The following TEAD1 variants were observed in gnomAD, a reference collection of about 807,000 sequenced individuals.
TEAD1 encodes the protein transcriptional enhancer factor TEF-1.
Under a neutral mutation model 54.9 loss-of-function variants are expected in TEAD1, and 9 were observed. The ratio of observed to expected loss-of-function variants is 0.16; its 90% confidence interval spans 0.10 to 0.29. The LOEUF (loss-of-function observed/expected upper bound fraction) is 0.29. TEAD1 is among the 10% of genes least tolerant of loss of function. The pLI is 1.00. For missense variants in TEAD1, 387 were observed against 535.9 expected (o/e 0.72, Z 2.74); for synonymous variants, 200 against 187.8 (o/e 1.07, Z -0.53).
intron 3 of TEAD1, chr11:12,828,227 G>A (rs1946696162): frequency 2.0e-5 from 3 of 152,210 alleles, no homozygotes; most frequent in Admixed American, 2.0e-4. Flanking sequence ...TCACAAGGAC[G>A]CTAATTATTC....
At chr11:12,686,593 T>C (rs771962493) in intron 2 of TEAD1, among the ~76,000 whole-genome samples, 22 of 152,042 alleles carry the variant, frequency 1.4e-4, no homozygotes, top group Non-Finnish European at 2.9e-4. Flanking sequence ...CTGTATGAAA[T>C]TGGGGGATTT....
At chr11:12,735,103 C>T (rs370372054) in intron 2 of TEAD1, among the ~76,000 whole-genome samples, 30 of 152,234 alleles carry the variant, frequency 2.0e-4, no homozygotes, top group South Asian at 1.2e-3. Flanking sequence ...AATCTGGGGC[C>T]GTCCAGAAAA....
At chr11:12,867,547 G>A (rs909900656) in intron 5 of TEAD1, among the ~76,000 whole-genome samples, 1 of 152,106 alleles carries the variant, frequency 6.6e-6, no homozygotes. Context: ...CCCTCCATGA[G>A]CATTTTATCT....
At chr11:12,780,837 C>A (rs1212703368) in intron 3 of TEAD1, among the ~76,000 whole-genome samples, 1 of 152,174 alleles carries the variant, frequency 6.6e-6, no homozygotes, top group African/African-American at 2.4e-5. Context: ...CCCATGACTT[C>A]TTTGACAAGT....
chr11:12,777,460 C>T (rs752966762), intron 3 of TEAD1, among the ~76,000 whole-genome samples: 6 of 152,108 alleles, frequency 3.9e-5, no homozygotes, highest in Non-Finnish European at 7.3e-5. Flanking sequence ...ATGAATGGTT[C>T]TATTACAAAC....
Position 12,849,685 on chromosome 11 carries a change from C to G in TEAD1, c.203-12565C>G, listed in dbSNP as rs143183012. ...ACAACAAGAACTAAATACTGGACGT[C>G]CAGTGAGGGACATGCTGTTTAATGC... On this transcript the variant is annotated intron_variant, in intron 3 of 12. Coordinates refer to ENST00000527636, the MANE Select transcript of TEAD1 (RefSeq NM_021961.6). Among the ~76,000 whole-genome samples the G allele has an allele frequency of 9.5e-3, 1,451 of 152,278 alleles. 12 individuals carry two copies. Among genetic ancestry groups the G allele is most frequent in the East Asian group, 0.016 (84 of 5,176 alleles).
chr11:12,679,222 T>G (rs1943164852), intron 2 of TEAD1, among the ~76,000 whole-genome samples: 1 of 152,286 alleles, frequency 6.6e-6, no homozygotes, highest in Non-Finnish European at 1.5e-5. Flanking sequence ...GTGTGTTACA[T>G]GCACTACACC....
intron 2 of TEAD1, among the ~76,000 whole-genome samples, chr11:12,720,588 A>ATT (rs1250404930): frequency 3.9e-5 from 6 of 152,168 alleles, no homozygotes; most frequent in African/African-American, 1.4e-4. Flanking sequence ...TGAAGGTCTC[A>ATT]TTGTCAGAAA....
At chr11:12,767,678 CTT>C (rs1945232378) in intron 3 of TEAD1, among the ~76,000 whole-genome samples, 1 of 152,122 alleles carries the variant, frequency 6.6e-6, no homozygotes, top group African/African-American at 2.4e-5. Flanking sequence ...GGAGCTGAGA[CTT>C]TATGTGTTTG....
At chr11:12,936,702 C>T (rs1949106554) in intron 12 of TEAD1, among the ~76,000 whole-genome samples, 1 of 152,114 alleles carries the variant, frequency 6.6e-6, no homozygotes, top group East Asian at 1.9e-4. Context: ...TAGGTAGGGA[C>T]TGGAATTATT....
Position 12,937,500 on chromosome 11 carries a change from G to A in TEAD1, c.*278G>A, listed in dbSNP as rs1048877229. ...TCAGATGTGCAGCCCACAATTCCTC[G>A]GGAAAGGTGAACCTGAACAACCCAA... is the stretch of plus-strand genomic sequence containing the variant. On this transcript the variant is annotated 3_prime_UTR_variant, in exon 13 of 13. Coordinates refer to ENST00000527636, the MANE Select transcript of TEAD1 (RefSeq NM_021961.6). 1.7e-5 allele frequency: 5 copies of A among 295,388 alleles called. No homozygotes were observed. The highest frequency in any genetic ancestry group is 4.6e-5 in the Admixed American group (1 of 21,978). The allele number at this position is 295,388 out of a possible 1,614,324, so 18.3% of individuals were successfully genotyped here.
chr11:12,738,069 C>A lies in TEAD1; in HGVS notation c.-54-26110C>A, dbSNP rs560907295. 3.8e-3 allele frequency among the ~76,000 whole-genome samples: 572 copies of A among 152,190 alleles called. 2 individuals are homozygous for A. The highest frequency in any genetic ancestry group is 5.2e-3 in the Non-Finnish European group (356 of 68,000). On this transcript the variant is annotated intron_variant, in intron 2 of 12. Transcript: ENST00000527636. ...CAAGAACAGTATGGGGGAAATTGCC[C>A]CCATGATTCACTTATCTCCATCTGG...
rs190770598 is a variant in TEAD1 at position 12,927,764 on chromosome 11, A to T, written c.1015-2410A>T. Among the ~76,000 whole-genome samples, 306 of 152,196 alleles carry T rather than the reference A, an allele frequency of 2.0e-3. 1 individual carries two copies. The highest frequency in any genetic ancestry group is 2.2e-3 in the Non-Finnish European group (150 of 68,002). On this transcript the variant is annotated intron_variant, in intron 11 of 12. Transcript: ENST00000527636. ...TTTCTTGTTAAATATATTTCTAAAT[A>T]TTATATAATATGTTGTAATTTCCTG...
chr11:12,889,635 A>G (rs1948156420), intron 9 of TEAD1, among the ~76,000 whole-genome samples: 1 of 152,262 alleles, frequency 6.6e-6, no homozygotes, highest in South Asian at 2.1e-4. Flanking sequence ...ACTGCCTTGC[A>G]GAAGAGAAGT....
At chr11:12,722,767 C>T (rs1944237692) in intron 2 of TEAD1, among the ~76,000 whole-genome samples, 2 of 151,576 alleles carry the variant, frequency 1.3e-5, no homozygotes, top group Non-Finnish European at 2.9e-5. Flanking sequence ...TTCATTTTAA[C>T]TTTTAGCCCT....
intron 3 of TEAD1, among the ~76,000 whole-genome samples, chr11:12,815,926 A>G (rs1946405806): frequency 6.6e-6 from 1 of 152,238 alleles, no homozygotes; most frequent in African/African-American, 2.4e-5. Context: ...GATCATGTAT[A>G]TGACGTAGAG....
At chr11:12,862,944 A>C (rs2134068484) in intron 4 of TEAD1, among the ~76,000 whole-genome samples, 1 of 152,296 alleles carries the variant, frequency 6.6e-6, no homozygotes, top group South Asian at 2.1e-4. Context: ...GATGTAAAAC[A>C]GCCCAAATCT....
intron 3 of TEAD1, among the ~76,000 whole-genome samples, chr11:12,807,930 A>T (rs1590171037): frequency 6.6e-6 from 1 of 152,190 alleles, no homozygotes; most frequent in Non-Finnish European, 1.5e-5. Context: ...GAAGAGTCCT[A>T]AGTAGCCCGA....
At chr11:12,861,872 G>C (rs1038432441) in intron 3 of TEAD1, among the ~76,000 whole-genome samples, 7 of 152,128 alleles carry the variant, frequency 4.6e-5, no homozygotes, top group African/African-American at 1.7e-4. Context: ...TGTAATCCCA[G>C]CTACTTGGGA....
Sources: allele counts gnomAD v4.1 joint callset (sites outside exome capture counted in the v4.1 genomes callset), GRCh38; gene constraint gnomAD v4.1.1; transcripts MANE v1.5; gene names NCBI Gene and HGNC (gene_info 2026-07-23, HGNC 2026-07-21).